CLN6: variants seen among roughly 807,000 people sequenced by gnomAD.
The protein encoded by CLN6 is CLN6 transmembrane ER protein.
A neutral mutation model predicts 33.3 loss-of-function variants in CLN6; 22 were observed. That is an observed-to-expected ratio of 0.66 (90% CI 0.47 to 0.94). The LOEUF is 0.94. CLN6 is among the 40% of genes least tolerant of loss of function. The pLI is 0.00. For missense variants in CLN6, 387 were observed against 417.1 expected, an observed-to-expected ratio of 0.93 and a Z score of 0.63; for synonymous variants, 201 against 174.6, an observed-to-expected ratio of 1.15 and a Z score of -1.19.
chr15:68,241,153 A>G lies in CLN6; in HGVS notation c.179+15537T>C, dbSNP rs1892277217. On this transcript the variant is annotated intron_variant, in intron 1 of 6. Coordinates refer to the CLN6 transcript ENST00000538696. The surrounding 1 kb of genome is among the most constrained non-coding windows in gnomAD (Gnocchi z 4.2). ...ATTTATTAGAAAGGGAAACATTTCTAAAAACATATAACTTATCAAAGCTGC... is the reference window on the plus strand; with the variant it reads ...ATTTATTAGAAAGGGAAACATTTCTGAAAACATATAACTTATCAAAGCTGC... Among the ~76,000 whole-genome samples the G allele has an allele frequency of 6.6e-6, 1 of 152,252 alleles. No homozygotes were observed. Among genetic ancestry groups the G allele is most frequent in the South Asian group, 2.1e-4 (1 of 4,834 alleles).
rs1242318798 is a variant in CLN6 at position 68,234,848 on chromosome 15, C to T, written c.180-16198G>A. Among the ~76,000 whole-genome samples, 1 of 152,280 alleles carries T rather than the reference C, an allele frequency of 6.6e-6. No individual in the cohort carries two copies. Among genetic ancestry groups the T allele is most frequent in the East Asian group, 1.9e-4 (1 of 5,176 alleles). On this transcript the variant is annotated intron_variant, in intron 1 of 6. Coordinates refer to the CLN6 transcript ENST00000538696. The surrounding 1 kb of genome is among the most constrained non-coding windows in gnomAD (Gnocchi z 4.1). Reference sequence around the variant, plus strand: ...CCTGGCCAACATAGTGAAACTCCGTCTCTACTAAAAATACAACAATTAGCT... The same window carrying T: ...CCTGGCCAACATAGTGAAACTCCGTTTCTACTAAAAATACAACAATTAGCT...
rs2093233273 is a variant in CLN6 at position 68,220,689 on chromosome 15, G to C, written c.84-2039C>G. ...GCCAGTTCATGATCTGGCCATATGA[G>C]CCAACACATTCCTTTTTGCTAAGGA... On this transcript the variant is annotated intron_variant, in intron 1 of 6. Transcript: ENST00000249806. The surrounding 1 kb of genome is among the most constrained non-coding windows in gnomAD (Gnocchi z 4.2). Among the ~76,000 whole-genome samples, 1 of 152,250 alleles carries C rather than the reference G, an allele frequency of 6.6e-6. No individual in the cohort carries two copies. Among genetic ancestry groups the C allele is most frequent in the Non-Finnish European group, 1.5e-5 (1 of 68,046 alleles).
chr15:68,211,199 A>G lies in CLN6; in HGVS notation c.542+64T>C, dbSNP rs1022827953. On this transcript the variant is annotated intron_variant, in intron 5 of 6. Transcript: ENST00000249806. This position sits in a 1 kb window ranked among gnomAD's most constrained non-coding sequence, Gnocchi z 5.9. ...GACAGCCTTGCTCAGTGTGTCCCTGAGCCAGTGACAGGGCTAGCCGGTAGT... is the reference window on the plus strand; with the variant it reads ...GACAGCCTTGCTCAGTGTGTCCCTGGGCCAGTGACAGGGCTAGCCGGTAGT... 1 of 1,384,284 alleles carries G rather than the reference A, an allele frequency of 7.2e-7. No individual in the cohort carries two copies. The highest frequency in any genetic ancestry group is 1.0e-6 in the Non-Finnish European group (1 of 970,298). 85.8% of individuals were successfully genotyped at this position (1,384,284 alleles called of 1,614,324 possible). A position where few individuals can be genotyped will look rare whatever the true frequency, so the allele number is the denominator to read the frequency against.
intron 1 of CLN6, among the ~76,000 whole-genome samples, chr15:68,249,447 A>G (rs1892356252): frequency 6.6e-6 from 1 of 152,262 alleles, no homozygotes; most frequent in Non-Finnish European, 1.5e-5. Context: ...GAATGTATGG[A>G]TAAAGAAAAT....
chr15:68,231,503 G>A (rs1282318380), upstream of CLN6, among the ~76,000 whole-genome samples: 1 of 152,238 alleles, frequency 6.6e-6, no homozygotes, highest in East Asian at 1.9e-4. Context: ...ATACACCAGA[G>A]AAGAAGGATT....
At chr15:68,252,405 T>G (rs1892390361) in intron 1 of CLN6, among the ~76,000 whole-genome samples, 1 of 152,144 alleles carries the variant, frequency 6.6e-6, no homozygotes, top group African/African-American at 2.4e-5. Flanking sequence ...TCATTGACAA[T>G]CAGGTAAATA....
rs1370379616 is a variant in CLN6, at chr15:68,208,212, C to A, written c.864G>T (p.Lys288Asn). The change falls in exon 7 of 7, where the codon AAG (lysine) becomes AAT (asparagine). Residue 288 changes from lysine (K) to asparagine (N), a missense_variant. Transcript: ENST00000249806. This position sits in a 1 kb window ranked among gnomAD's most constrained non-coding sequence, Gnocchi z 5.8. ...GGACGTAGATGACACCCGGGTACTTCTTCCTGAGAACAGGGTCATTCCACA... is the reference window on the plus strand; with the variant it reads ...GGACGTAGATGACACCCGGGTACTTATTCCTGAGAACAGGGTCATTCCACA... Reference protein sequence around the residue: ...AWLWNDPVLRKKYPGVIYVPE... With the variant: ...AWLWNDPVLRNKYPGVIYVPE... The A allele has an allele frequency of 2.5e-6, 4 of 1,613,388 alleles. No individual in the cohort carries two copies. The highest frequency in any genetic ancestry group is 2.7e-5 in the African/African-American group (2 of 74,806).
chr15:68,218,220 G>T, intron 2 of CLN6: 1 of 340,980 alleles, frequency 2.9e-6, no homozygotes. Flanking sequence ...TGTCTGTCTT[G>T]GTGATTTGGT....
intron 1 of CLN6, among the ~76,000 whole-genome samples, chr15:68,226,275 T>C (rs75738192): frequency 6.9e-6 from 1 of 143,902 alleles, no homozygotes; most frequent in Admixed American, 7.1e-5. Context: ...GCTGAGATCA[T>C]GCCACTGCAC....
intron 1 of CLN6, among the ~76,000 whole-genome samples, chr15:68,238,913 G>A (rs1269491911): frequency 1.3e-5 from 2 of 152,060 alleles, no homozygotes; most frequent in Non-Finnish European, 2.9e-5. Flanking sequence ...ATAATTTGTG[G>A]GGTTAAAAAA....
chr15:68,218,396 A>G, intron 2 of CLN6, 140 bp downstream of exon 2: 1 of 695,596 alleles, frequency 1.4e-6, no homozygotes. Context: ...AGAGCTAAGG[A>G]TATGAAGGCA....
chr15:68,214,405 A>C lies in CLN6; in HGVS notation c.199-17T>G. On this transcript the variant is annotated splice_polypyrimidine_tract_variant and intron_variant, in intron 2 of 6. Transcript: ENST00000249806. ...GAATACCAGCTGCGGAGCAAATGGA[A>C]GAATGGGCTCACCTGGGCACAGCCC... 1 of 1,599,270 alleles carries C rather than the reference A, an allele frequency of 6.3e-7. No homozygotes were observed. The highest frequency in any genetic ancestry group is 8.6e-7 in the Non-Finnish European group (1 of 1,166,522).
At chr15:68,226,180 G>A (rs1487861311) in intron 1 of CLN6, among the ~76,000 whole-genome samples, 3 of 151,842 alleles carry the variant, frequency 2.0e-5, no homozygotes, top group South Asian at 2.1e-4. Context: ...TTAGCTGGGC[G>A]TGGTGCCGAG....
chr15:68,214,636 C>T, intron 2 of CLN6: 1 of 488,062 alleles, frequency 2.0e-6, no homozygotes. Flanking sequence ...AGATGCAATT[C>T]CAGTCAAGGC....
intron 2 of CLN6, chr15:68,214,611 C>T (rs2141141792): frequency 1.9e-6 from 1 of 520,718 alleles, no homozygotes; most frequent in African/African-American, 1.9e-5. Context: ...ACGGACTTGT[C>T]CCCAGACACA....
At position 68,229,482 on chromosome 15, in the gene CLN6, T is replaced by TC. The variant is rs2093262297; in HGVS notation, c.83+19dup. On this transcript the variant is annotated intron_variant, in intron 1 of 6. Transcript: ENST00000249806. ...GCGCACAGGCGCCTAGCCCGCCCTC[T>TC]CACCCCGGCGCGCGCCCACCTGGCC... The TC allele has an allele frequency of 6.9e-7, 1 of 1,457,492 alleles. No homozygotes were observed. The allele number at this position is 1,457,492 out of a possible 1,614,324, so 90.3% of individuals were successfully genotyped here.
At chr15:68,224,672 T>G (rs1332163711) in intron 1 of CLN6, among the ~76,000 whole-genome samples, 2 of 149,568 alleles carry the variant, frequency 1.3e-5, no homozygotes, top group East Asian at 3.9e-4. Flanking sequence ...TTTCTTCTCC[T>G]GGAACTCTGC....
intron 1 of CLN6, among the ~76,000 whole-genome samples, chr15:68,252,488 G>C (rs1892391061): frequency 6.6e-6 from 1 of 152,190 alleles, no homozygotes; most frequent in Admixed American, 6.5e-5. Flanking sequence ...AGCAAGTACT[G>C]GTGAAGATAT....
chr15:68,232,789 C>T (rs1056709127), upstream of CLN6, among the ~76,000 whole-genome samples: 8 of 152,214 alleles, frequency 5.3e-5, no homozygotes, highest in Non-Finnish European at 1.0e-4. The surrounding 1 kb of genome is among the most constrained non-coding windows in gnomAD (Gnocchi z 4.7). Context: ...CACCTGTAAT[C>T]CCAGCACGTT....
Sources: gnomAD v4.1 joint callset for allele counts (sites outside exome capture counted in the v4.1 genomes callset) on GRCh38, gnomAD v4.1.1 for gene constraint, Gnocchi (gnomAD v3.1) non-coding constraint, MANE v1.5 for transcripts, NCBI Gene and HGNC (gene_info 2026-07-23, HGNC 2026-07-21) for gene names.